The following SLC6A11 variants were observed in gnomAD, a reference collection of about 807,000 sequenced individuals.
The protein encoded by SLC6A11 is sodium- and chloride-dependent GABA transporter 3.
SLC6A11 carries 25 observed loss-of-function variants against 74.8 expected under a neutral mutation model. The observed-to-expected ratio is 0.33, with a 90% CI of 0.24 to 0.47. The LOEUF (loss-of-function observed/expected upper bound fraction) is 0.47, where lower values mean the gene tolerates loss of function less well. Ranked by LOEUF, SLC6A11 falls within the 20% of genes least tolerant of loss-of-function variation. The pLI is 1.00. For synonymous variants in SLC6A11, 330 were observed against 330.2 expected (o/e 1.00, Z 0.01); for missense variants, 574 against 837.0 (o/e 0.69, Z 3.88).
intron 6 of SLC6A11, among the ~76,000 whole-genome samples, chr3:10,891,677 T>A (rs887370317): frequency 6.6e-6 from 1 of 152,208 alleles, no homozygotes; most frequent in African/African-American, 2.4e-5. Context: ...AGAGAGAGGA[T>A]ATGGCTCACC....
chr3:10,831,297 G>A (rs1052317360), intron 4 of SLC6A11, among the ~76,000 whole-genome samples: 5 of 152,228 alleles, frequency 3.3e-5, no homozygotes, highest in Middle Eastern at 3.4e-3. Context: ...TTTATTTTGC[G>A]ATATGACCTC....
intron 6 of SLC6A11, among the ~76,000 whole-genome samples, chr3:10,906,995 T>C (rs1695311580): frequency 1.3e-5 from 2 of 152,148 alleles, no homozygotes; most frequent in African/African-American, 4.8e-5. Flanking sequence ...AGAAGAGGAC[T>C]GTGATCAAAA....
rs757027330 is a variant in SLC6A11, at chr3:10,816,531, TAGTG to T, written c.256+13_256+16del. On this transcript the variant is annotated intron_variant, in intron 1 of 13. Coordinates refer to ENST00000254488, the MANE Select transcript of SLC6A11 (RefSeq NM_014229.3). This position sits in a 1 kb window ranked among gnomAD's most constrained non-coding sequence, Gnocchi z 4.2. ...TACAAGAACGGAGGAGGTGAGGTGA[TAGTG>T]AGGAGAAGGGGAGGGGGCGCCAACC... 1 of 1,591,794 alleles carries T rather than the reference TAGTG, an allele frequency of 6.3e-7. No homozygotes were observed. The highest frequency in any genetic ancestry group is 8.6e-7 in the Non-Finnish European group (1 of 1,169,348).
intron 6 of SLC6A11, among the ~76,000 whole-genome samples, chr3:10,907,763 A>G (rs1474049465): frequency 6.6e-6 from 1 of 152,256 alleles, no homozygotes; most frequent in Non-Finnish European, 1.5e-5. Context: ...AGGATTTTAT[A>G]TACAGCCAAA....
chr3:10,899,312 C>T (rs180894823), intron 6 of SLC6A11, among the ~76,000 whole-genome samples: 2 of 152,322 alleles, frequency 1.3e-5, no homozygotes, highest in African/African-American at 2.4e-5. Flanking sequence ...TGTGCCTGTT[C>T]CCACTCCCCA....
intron 6 of SLC6A11, among the ~76,000 whole-genome samples, chr3:10,881,245 G>A (rs1429298157): frequency 1.3e-5 from 2 of 152,036 alleles, no homozygotes; most frequent in East Asian, 1.9e-4. Context: ...GTGAAACTCC[G>A]TCTCTACTAA....
rs1260078704 is a variant in SLC6A11, at chr3:10,816,759, C to T, written c.256+238C>T. Reference sequence around the variant, plus strand: ...CCACCTGCCAGCGCGGGGACTTGCCCGCGTTCTGTCCCCAGCATGAGATGC... The same window carrying T: ...CCACCTGCCAGCGCGGGGACTTGCCTGCGTTCTGTCCCCAGCATGAGATGC... On this transcript the variant is annotated intron_variant, in intron 1 of 13. Transcript: ENST00000254488. This position sits in a 1 kb window ranked among gnomAD's most constrained non-coding sequence, Gnocchi z 4.2. Among the ~76,000 whole-genome samples, 1 of 152,228 alleles carries T rather than the reference C, an allele frequency of 6.6e-6. No individual in the cohort carries two copies. Among genetic ancestry groups the T allele is most frequent in the African/African-American group, 2.4e-5 (1 of 41,478 alleles).
Position 10,874,965 on chromosome 3 carries a change from T to C in SLC6A11, c.761T>C (p.Val254Ala). 6.2e-7 allele frequency: 1 copy of C among 1,611,500 alleles called. No homozygotes were observed. The highest frequency in any genetic ancestry group is 1.3e-5 in the African/African-American group (1 of 74,972). Residue 254 changes from valine to alanine, a missense_variant, in exon 6 of 14, where the codon GTA (valine) becomes GCA (alanine). Transcript: ENST00000254488. ...GTCCTCTCCTCTTGTGCACAGGTTG[T>C]ATACGTGACTGCGACATTCCCCTAC... The part of the protein sequence containing the change: ...WKGTKSTGKV[V>A]YVTATFPYIM...
intron 5 of SLC6A11, among the ~76,000 whole-genome samples, chr3:10,852,327 G>A (rs1019845379): frequency 1.3e-5 from 2 of 152,370 alleles, no homozygotes; most frequent in Non-Finnish European, 2.9e-5. Context: ...CCGCCATGCC[G>A]TTGGGAGCAC....
In SLC6A11 at chr3:10,832,618, C is replaced by G. The variant is rs114531367; in HGVS notation, c.623+9226C>G. Among the ~76,000 whole-genome samples the G allele has an allele frequency of 5.1e-3, 775 of 152,326 alleles. 8 individuals are homozygous for G. The highest frequency in any genetic ancestry group is 0.018 in the African/African-American group (748 of 41,562). ...ATAACCTATAAATATGTCTCCCCAG[C>G]CCTGCTCTCTAAGAGAGAACTCTGT... On this transcript the variant is annotated intron_variant, in intron 4 of 13. Coordinates refer to ENST00000254488, the MANE Select transcript of SLC6A11 (RefSeq NM_014229.3).
At chr3:10,881,379 A>G (rs762883128) in intron 6 of SLC6A11, among the ~76,000 whole-genome samples, 11 of 152,170 alleles carry the variant, frequency 7.2e-5, no homozygotes, top group Admixed American at 4.6e-4. Context: ...TAACGCCACT[A>G]CACTCCAGCC....
chr3:10,863,513 A>G (rs1291777532), intron 5 of SLC6A11, among the ~76,000 whole-genome samples: 1 of 152,224 alleles, frequency 6.6e-6, no homozygotes, highest in African/African-American at 2.4e-5. Flanking sequence ...AGAGTGCCAG[A>G]GGCTGGATGT....
chr3:10,876,974 C>G (rs1211034195), intron 6 of SLC6A11, among the ~76,000 whole-genome samples: 11 of 152,064 alleles, frequency 7.2e-5, no homozygotes. Context: ...AGTTCCTTCT[C>G]CCTTCCCTCT....
intron 4 of SLC6A11, among the ~76,000 whole-genome samples, chr3:10,843,603 C>T (rs1694465221): frequency 6.6e-6 from 1 of 152,230 alleles, no homozygotes; most frequent in East Asian, 1.9e-4. Context: ...CCAAAGAGCT[C>T]AGCAGCTTCA....
At chr3:10,920,868 C>G (rs1217373030) in intron 8 of SLC6A11, among the ~76,000 whole-genome samples, 1 of 152,200 alleles carries the variant, frequency 6.6e-6, no homozygotes, top group Non-Finnish European at 1.5e-5. Flanking sequence ...CTCTGTGCCT[C>G]TGGTTGGGGG....
intron 4 of SLC6A11, among the ~76,000 whole-genome samples, chr3:10,834,342 T>C (rs962888292): frequency 7.8e-6 from 1 of 128,174 alleles, no homozygotes; most frequent in East Asian, 2.5e-4. Context: ...GTAAGTTTGT[T>C]TTTTTTTTTG....
At chr3:10,848,782 G>A (rs1259292385) in intron 5 of SLC6A11, among the ~76,000 whole-genome samples, 1 of 152,228 alleles carries the variant, frequency 6.6e-6, no homozygotes, top group Non-Finnish European at 1.5e-5. Context: ...TCTCATGGCT[G>A]AGAATATTAG....
chr3:10,828,766 C>G (rs1694250879), intron 4 of SLC6A11, among the ~76,000 whole-genome samples: 1 of 152,182 alleles, frequency 6.6e-6, no homozygotes, highest in Non-Finnish European at 1.5e-5. Flanking sequence ...ACCCCAGTCC[C>G]TCTCAACCCC....
At chr3:10,819,957 G>A (rs1694116850) in intron 3 of SLC6A11, 105 bp downstream of exon 3, 1 of 1,250,536 alleles carries the variant, frequency 8.0e-7, no homozygotes, top group African/African-American at 1.5e-5. Flanking sequence ...CTCGTCATGA[G>A]TCCAGTTTTC....
Sources: allele counts gnomAD v4.1 joint callset (sites outside exome capture counted in the v4.1 genomes callset), GRCh38; gene constraint gnomAD v4.1.1; non-coding constraint Gnocchi (gnomAD v3.1); transcripts MANE v1.5; gene names NCBI Gene and HGNC (gene_info 2026-07-23, HGNC 2026-07-21).